The following TICRR variants were observed in gnomAD, a reference collection of about 807,000 sequenced individuals.
TICRR encodes the protein TOPBP1 interacting checkpoint and replication regulator.
In TICRR, 132 loss-of-function variants were observed where a neutral mutation model predicts 178.1. That is an observed-to-expected ratio of 0.74 (90% confidence interval 0.64 to 0.86). The LOEUF (loss-of-function observed/expected upper bound fraction) is 0.86, where lower values mean the gene tolerates loss of function less well. TICRR is among the 40% of genes least tolerant of loss of function. The pLI is 0.00. For synonymous variants in TICRR, 991 were observed against 900.7 expected (o/e 1.10, Z -1.79); for missense variants, 2,587 against 2,334.3 (o/e 1.11, Z -2.23).
Position 89,602,839 on chromosome 15 carries a change from C to G in TICRR, c.2611C>G (p.Gln871Glu), listed in dbSNP as rs1963118693. The G allele has an allele frequency of 6.6e-7, 1 of 1,525,734 alleles. No individual in the cohort carries two copies. The highest frequency in any genetic ancestry group is 1.4e-5 in the African/African-American group (1 of 70,432). 94.5% of individuals were successfully genotyped at this position (1,525,734 alleles called of 1,614,324 possible). A position where few individuals can be genotyped will look rare whatever the true frequency, so the allele number is the denominator to read the frequency against. ...IRHKSIAEVS[Q>E]NLRQIEIPKV... ...ACATAAAAGCATTGCTGAGGTTTCA[C>G]AGAATCTTCGACAAATTGAAATTCC... The change falls in exon 13 of 22, where the codon CAG (glutamine) becomes GAG (glutamate). Residue 871 changes from glutamine to glutamate, a missense_variant. Gln to Glu is a conservative substitution (Grantham distance 29). Coordinates refer to ENST00000268138, the MANE Select transcript of TICRR (RefSeq NM_152259.4).
intron 15 of TICRR, among the ~76,000 whole-genome samples, chr15:89,614,044 C>T (rs1963296393): frequency 6.6e-6 from 1 of 152,132 alleles, no homozygotes; most frequent in South Asian, 2.1e-4. Context: ...GTCCTGGTTA[C>T]TCCGGAGGCT....
rs778184583 is a variant in TICRR, at chr15:89,624,181, A to T, written c.3871A>T (p.Thr1291Ser). The change falls in exon 20 of 22, where the codon ACT (threonine) becomes TCT (serine). Residue 1291 changes from threonine to serine, a missense_variant. Thr to Ser is a moderately conservative substitution (Grantham distance 58, BLOSUM62 1). Transcript: ENST00000268138. ...GAAACTAAAGGATAAAGCTATCAAA[A>T]CTCCAAAAAGACCAGGGAATTCAAC... ...AQKLKDKAIK[T>S]PKRPGNSTVT... 1.9e-6 allele frequency: 3 copies of T among 1,613,900 alleles called. No individual in the cohort carries two copies. The highest frequency in any genetic ancestry group is 3.3e-5 in the Admixed American group (2 of 59,994).
chr15:89,575,772 G>C lies in TICRR; in HGVS notation c.186G>C (p.Val62=). Residue 62 remains valine, a synonymous_variant, in exon 1 of 22, where the codon GTG becomes GTC. Coordinates refer to ENST00000268138, the MANE Select transcript of TICRR (RefSeq NM_152259.4). ...SQGARSRPSR[V]SDFRELGSRS... ...GGGCGCGGAGCCGGCCGTCCCGCGT[G>C]TCTGACTTCCGCGAGCTGGGGTCCC... 1 of 1,609,302 alleles carries C rather than the reference G, an allele frequency of 6.2e-7. No homozygotes were observed. Among genetic ancestry groups the C allele is most frequent in the Non-Finnish European group, 8.5e-7 (1 of 1,178,754 alleles).
chr15:89,606,715 T>G, intron 13 of TICRR, 53 bp from the exon 14 acceptor site: 1 of 1,411,162 alleles, frequency 7.1e-7, no homozygotes, highest in East Asian at 2.3e-5. Context: ...TTTATTCTTT[T>G]ATTTCAATGA....
Position 89,625,264 on chromosome 15 carries a change from G to A in TICRR, c.4954G>A (p.Gly1652Ser), listed in dbSNP as rs781712821. ...CTGCCAGGCCTGTACCCCCACCCAC[G>A]GCCCTTCTAGTACCCCCTCTCCATT... ...YICQACTPTH[G>S]PSSTPSPFQT... The change falls in exon 20 of 22, where the codon GGC (glycine) becomes AGC (serine). Residue 1652 changes from glycine to serine, a missense_variant. By Grantham distance (56) the Gly-to-Ser change is moderately conservative (BLOSUM62 0). Coordinates refer to ENST00000268138, the MANE Select transcript of TICRR (RefSeq NM_152259.4). The A allele has an allele frequency of 1.1e-5, 18 of 1,613,144 alleles. No individual in the cohort carries two copies. Among genetic ancestry groups the A allele is most frequent in the Non-Finnish European group, 1.4e-5 (17 of 1,179,500 alleles).
In TICRR at chr15:89,616,508, C is replaced by A; in HGVS notation, c.2960+13C>A. 6.2e-7 allele frequency: 1 copy of A among 1,611,698 alleles called. No homozygotes were observed. Among genetic ancestry groups the A allele is most frequent in the East Asian group, 2.2e-5 (1 of 44,870 alleles). On this transcript the variant is annotated intron_variant, in intron 16 of 21. Coordinates refer to ENST00000268138, the MANE Select transcript of TICRR (RefSeq NM_152259.4). ...AAATCAAGGGCAGGTGAGTGACATC[C>A]CCATCCGGGCTTCTTCATACACCCA...
intron 15 of TICRR, among the ~76,000 whole-genome samples, chr15:89,610,990 G>C (rs1963247496): frequency 6.7e-6 from 1 of 149,846 alleles, no homozygotes; most frequent in Non-Finnish European, 1.5e-5. Flanking sequence ...TCTTTATATT[G>C]TTGTAGACTG....
At chr15:89,618,491 T>C (rs1411125912) in intron 17 of TICRR, among the ~76,000 whole-genome samples, 2 of 152,266 alleles carry the variant, frequency 1.3e-5, no homozygotes, top group Non-Finnish European at 2.9e-5. Context: ...TAAAAGTATA[T>C]ATAACTTTGT....
At chr15:89,614,995 C>T (rs2350680) in intron 15 of TICRR, among the ~76,000 whole-genome samples, 45,426 of 152,118 alleles carry the variant, frequency 0.3, 7,004 homozygotes, top group South Asian at 0.37. Flanking sequence ...AGTCTATCCT[C>T]GGCACATGCA....
chr15:89,601,294 C>T lies in TICRR; in HGVS notation c.2154-4C>T, dbSNP rs759653215. On this transcript the variant is annotated splice_polypyrimidine_tract_variant and splice_region_variant and intron_variant, in intron 9 of 21. Coordinates refer to ENST00000268138, the MANE Select transcript of TICRR (RefSeq NM_152259.4). ...GATATGACCAAGTATTTTTTTCTCTCAAGGTGCCAGCTTCAGGTATTTCTT... is the reference window on the plus strand; with the variant it reads ...GATATGACCAAGTATTTTTTTCTCTTAAGGTGCCAGCTTCAGGTATTTCTT... 1 of 1,612,280 alleles carries T rather than the reference C, an allele frequency of 6.2e-7. No individual in the cohort carries two copies. Among genetic ancestry groups the T allele is most frequent in the African/African-American group, 1.3e-5 (1 of 74,834 alleles).
intron 18 of TICRR, among the ~76,000 whole-genome samples, chr15:89,620,993 T>TTACA (rs1475558671): frequency 1.3e-5 from 2 of 151,798 alleles, no homozygotes; most frequent in Non-Finnish European, 2.9e-5. Context: ...AGTGCTGGGA[T>TTACA]TACAGGCGTG....
intron 7 of TICRR, among the ~76,000 whole-genome samples, chr15:89,598,619 C>T (rs1276880642): frequency 6.6e-6 from 1 of 152,176 alleles, no homozygotes; most frequent in Non-Finnish European, 1.5e-5. Context: ...CCACCTCGGC[C>T]TCCCAAACTG....
intron 6 of TICRR, among the ~76,000 whole-genome samples, 187 bp from the exon 7 acceptor site, chr15:89,595,206 A>G (rs948238839): frequency 5.3e-5 from 8 of 152,226 alleles, no homozygotes; most frequent in Admixed American, 2.6e-4. Context: ...AACTTCGGTT[A>G]AAAGAAAGGT....
Position 89,621,419 on chromosome 15 carries a change from A to C in TICRR, c.3181A>C (p.Ser1061Arg), listed in dbSNP as rs756693569. Residue 1061 changes from serine (S) to arginine (R), a missense_variant, in exon 19 of 22, where the codon AGT becomes CGT. Ser to Arg is a moderately radical substitution (Grantham distance 110, BLOSUM62 -1). Coordinates refer to ENST00000268138, the MANE Select transcript of TICRR (RefSeq NM_152259.4). ...SDQRENSPVQSIRSPKSLLFG... is the reference protein window; with the variant it reads ...SDQRENSPVQRIRSPKSLLFG... ...CCAAAGAGAAAATTCTCCAGTCCAA[A>C]GTATTCGGTCTCCCAAGAGTCTTCT... The C allele has an allele frequency of 6.2e-7, 1 of 1,607,900 alleles. No homozygotes were observed. Among genetic ancestry groups the C allele is most frequent in the Admixed American group, 1.7e-5 (1 of 57,954 alleles).
chr15:89,621,954 T>C (rs12899845), intron 19 of TICRR, among the ~76,000 whole-genome samples: 74,604 of 148,282 alleles, frequency 0.5, 19,393 homozygotes, highest in Non-Finnish European at 0.58. Context: ...ATCAGTCGAG[T>C]CCTGCCCATT....
At chr15:89,603,611 G>A (rs377726217) in intron 13 of TICRR, among the ~76,000 whole-genome samples, 2 of 152,148 alleles carry the variant, frequency 1.3e-5, no homozygotes, top group Admixed American at 1.3e-4. Context: ...ATGAATAAAT[G>A]AATGAATAAC....
chr15:89,579,235 AT>A (rs1962679606), intron 1 of TICRR, among the ~76,000 whole-genome samples: 1 of 152,188 alleles, frequency 6.6e-6, no homozygotes, highest in South Asian at 2.1e-4. Context: ...TCTAGTGGAC[AT>A]TTACAGATCC....
chr15:89,576,013 G>A lies in TICRR; in HGVS notation c.427G>A (p.Ala143Thr). ...LLDVESEAKEAEAALGGLVNA... is the reference protein window; with the variant it reads ...LLDVESEAKETEAALGGLVNA... ...GGACGTGGAGAGCGAGGCCAAGGAG[G>A]CCGAGGCCGCGCTCGGGGGCTTGGT... Residue 143 changes from alanine (A) to threonine (T), a missense_variant, in exon 1 of 22, where the codon GCC (alanine) becomes ACC (threonine). Ala to Thr is a moderately conservative substitution (Grantham distance 58). Coordinates refer to ENST00000268138, the MANE Select transcript of TICRR (RefSeq NM_152259.4). 2 of 1,608,638 alleles carry A rather than the reference G, an allele frequency of 1.2e-6. No individual in the cohort carries two copies. The highest frequency in any genetic ancestry group is 1.1e-5 in the South Asian group (1 of 90,598).
intron 3 of TICRR, 60 bp downstream of exon 3, chr15:89,584,587 A>C (rs1962788651): frequency 2.0e-6 from 3 of 1,475,556 alleles, no homozygotes; most frequent in Non-Finnish European, 2.7e-6. Flanking sequence ...AAAGTGAAAT[A>C]AGTGTGTTTA....
Sources: allele counts gnomAD v4.1 joint callset (sites outside exome capture counted in the v4.1 genomes callset), GRCh38; gene constraint gnomAD v4.1.1; transcripts MANE v1.5; gene names NCBI Gene and HGNC (gene_info 2026-07-23, HGNC 2026-07-21).